PSD2: variants seen among roughly 807,000 people sequenced by gnomAD.
PSD2 encodes the protein PH and SEC7 domain-containing protein 2.
PSD2 carries 38 observed loss-of-function variants against 69.8 expected under a neutral mutation model. That is an observed-to-expected ratio of 0.54 (90% confidence interval 0.42 to 0.71). The LOEUF is 0.71. Ranked by LOEUF, PSD2 falls within the 30% of genes least tolerant of loss-of-function variation. The pLI, the probability that PSD2 is intolerant of heterozygous loss-of-function variation, is 0.00. For synonymous variants in PSD2, 412 were observed against 423.0 expected (o/e 0.97, Z 0.32); for missense variants, 943 against 1,014.5 (o/e 0.93, Z 0.96).
intron 7 of PSD2, among the ~76,000 whole-genome samples, chr5:139,828,050 A>AGGATGGG: frequency 6.6e-6 from 1 of 152,274 alleles, no homozygotes; most frequent in Admixed American, 6.5e-5. Flanking sequence ...AATGCTGGTG[A>AGGATGGG]TGATGGGTGA....
intron 1 of PSD2, among the ~76,000 whole-genome samples, chr5:139,808,740 G>C (rs1759872683): frequency 1.3e-5 from 2 of 152,218 alleles, no homozygotes; most frequent in Admixed American, 1.3e-4. Context: ...AGGCTCCCGG[G>C]TGGCACCGCC....
chr5:139,777,812 G>A, the PSD2 span, among the ~76,000 whole-genome samples: 1 of 152,146 alleles, frequency 6.6e-6, no homozygotes, highest in African/African-American at 2.4e-5. Context: ...GAGCTCAGGA[G>A]GTTGAGGCTA....
chr5:139,842,310 A>C lies in PSD2; in HGVS notation c.2152A>C (p.Lys718Gln), dbSNP rs780346882. The change falls in exon 15 of 15, where the codon AAA (lysine) becomes CAA (glutamine). Residue 718 changes from lysine to glutamine, a missense_variant. Transcript: ENST00000274710. ...GACCTATATCCACCTCCTGGCTATG[A>C]AAATCAAAGTGGGCTCAGATGATCT... is the stretch of plus-strand genomic sequence containing the variant. ...YETYIHLLAM[K>Q]IKVGSDDLER... is the part of the protein sequence containing the mutation. The C allele has an allele frequency of 1.1e-5, 17 of 1,614,084 alleles. No individual in the cohort carries two copies. The highest frequency in any genetic ancestry group is 1.4e-5 in the Non-Finnish European group (17 of 1,180,054).
At chr5:139,763,193 A>G in the PSD2 span, among the ~76,000 whole-genome samples, 10 of 152,118 alleles carry the variant, frequency 6.6e-5, no homozygotes, top group Non-Finnish European at 1.3e-4. Flanking sequence ...TATTCCCTCC[A>G]GATGTGTGAG....
chr5:139,796,461 C>T (rs1283199140), intron 1 of PSD2, among the ~76,000 whole-genome samples: 1 of 152,256 alleles, frequency 6.6e-6, no homozygotes, highest in Non-Finnish European at 1.5e-5. Context: ...ATTTCTGTTT[C>T]CAGTTTCCCA....
At chr5:139,760,883 C>T in the PSD2 span, among the ~76,000 whole-genome samples, 1 of 152,188 alleles carries the variant, frequency 6.6e-6, no homozygotes, top group Non-Finnish European at 1.5e-5. Flanking sequence ...ATAATGATAA[C>T]AACAATGAAT....
rs1295287907 is a variant in PSD2, at chr5:139,833,725, T to C, written c.1293T>C (p.Cys431=). ...AGAACATTGGCAAAAAGATGTCCTG[T>C]CAGCAATTCATTGCCAACTTGGACC... ...HGHNIGKKMS[C]QQFIANLDQL... is the part of the protein sequence containing the mutation. The change falls in exon 8 of 15, where the codon TGT becomes TGC. Residue 431 remains cysteine, a synonymous_variant. Transcript: ENST00000274710. 1.4e-5 allele frequency: 23 copies of C among 1,614,032 alleles called. No individual in the cohort carries two copies. The highest frequency in any genetic ancestry group is 1.9e-5 in the Non-Finnish European group (22 of 1,179,906).
the PSD2 span, among the ~76,000 whole-genome samples, chr5:139,755,004 A>G: frequency 2.6e-5 from 4 of 152,214 alleles, no homozygotes; most frequent in African/African-American, 9.6e-5. Context: ...AATCCACATG[A>G]TAATGGCAGC....
Position 139,839,936 on chromosome 5 carries a change from T to C in PSD2, c.1969-91T>C. 1 of 1,462,972 alleles carries C rather than the reference T, an allele frequency of 6.8e-7. No individual in the cohort carries two copies. Among genetic ancestry groups the C allele is most frequent in the Middle Eastern group, 1.8e-4 (1 of 5,432 alleles). 90.6% of individuals were successfully genotyped at this position (1,462,972 alleles called of 1,614,324 possible). A position where few individuals can be genotyped will look rare whatever the true frequency, so the allele number is the denominator to read the frequency against. On this transcript the variant is annotated intron_variant, in intron 13 of 14. Coordinates refer to ENST00000274710, the MANE Select transcript of PSD2 (RefSeq NM_032289.4). The surrounding 1 kb of genome is among the most constrained non-coding windows in gnomAD (Gnocchi z 5.1). Reference sequence around the variant, plus strand: ...GATGCTGGCTAGGCCTTCATTTCCCTTTGGTGGAGCAGCTCCTGGTAGAAC... The same window carrying C: ...GATGCTGGCTAGGCCTTCATTTCCCCTTGGTGGAGCAGCTCCTGGTAGAAC...
intron 2 of PSD2, among the ~76,000 whole-genome samples, chr5:139,810,400 C>G (rs2126935554): frequency 6.6e-6 from 1 of 152,248 alleles, no homozygotes; most frequent in East Asian, 1.9e-4. Context: ...AGAGAAATGT[C>G]TAGAAGGCAC....
At chr5:139,828,479 C>G (rs1760486544) in intron 7 of PSD2, among the ~76,000 whole-genome samples, 1 of 152,216 alleles carries the variant, frequency 6.6e-6, no homozygotes, top group African/African-American at 2.4e-5. Context: ...GGATGCTATC[C>G]TGAGGTCTGC....
chr5:139,767,876 G>A, the PSD2 span, among the ~76,000 whole-genome samples: 1 of 152,242 alleles, frequency 6.6e-6, no homozygotes, highest in Non-Finnish European at 1.5e-5. Context: ...TCTCAGTGAT[G>A]ACCAGCTCAC....
At chr5:139,827,079 C>T (rs567717714) in intron 7 of PSD2, among the ~76,000 whole-genome samples, 2 of 152,316 alleles carry the variant, frequency 1.3e-5, no homozygotes, top group East Asian at 1.9e-4. Context: ...CTAGGTTACC[C>T]GAATCAATCT....
At chr5:139,833,839 A>G (rs370153854) in intron 8 of PSD2, 48 bp downstream of exon 8, 2 of 1,387,860 alleles carry the variant, frequency 1.4e-6, no homozygotes, top group Non-Finnish European at 2.1e-6. Context: ...CCCTGAATGG[A>G]TAGAGAGGAG....
At chr5:139,829,878 A>T (rs1290310464) in intron 7 of PSD2, among the ~76,000 whole-genome samples, 1 of 152,072 alleles carries the variant, frequency 6.6e-6, no homozygotes, top group Admixed American at 6.6e-5. Flanking sequence ...TCATAGGATA[A>T]TTCTACATTT....
the PSD2 span, among the ~76,000 whole-genome samples, chr5:139,750,338 C>G: frequency 6.6e-6 from 1 of 151,624 alleles, no homozygotes; most frequent in African/African-American, 2.4e-5. Flanking sequence ...AACAAAAAAA[C>G]AAAACAAAAA....
In PSD2 at chr5:139,822,018, G is replaced by C; in HGVS notation, c.1210+13G>C. 1 of 1,541,562 alleles carries C rather than the reference G, an allele frequency of 6.5e-7. No homozygotes were observed. The highest frequency in any genetic ancestry group is 1.7e-5 in the Admixed American group (1 of 58,058). On this transcript the variant is annotated intron_variant, in intron 6 of 14. Coordinates refer to ENST00000274710, the MANE Select transcript of PSD2 (RefSeq NM_032289.4). ...AGCACTTCGGAAGGTATGGCCCCTT[G>C]CCCACTCTGCCTGACCCTCCCCACC...
At chr5:139,800,195 C>T (rs141432988) in intron 1 of PSD2, among the ~76,000 whole-genome samples, 75 of 152,336 alleles carry the variant, frequency 4.9e-4, no homozygotes, top group African/African-American at 1.8e-3. Context: ...TTTGCTTCTT[C>T]ACACTTTCTT....
At chr5:139,799,548 T>C (rs1476497629) in intron 1 of PSD2, among the ~76,000 whole-genome samples, 1 of 152,010 alleles carries the variant, frequency 6.6e-6, no homozygotes. Context: ...TCAAAACCAC[T>C]GAAGGGTTTT....
Sources: allele counts gnomAD v4.1 joint callset (sites outside exome capture counted in the v4.1 genomes callset), GRCh38; gene constraint gnomAD v4.1.1; non-coding constraint Gnocchi (gnomAD v3.1); transcripts MANE v1.5; gene names NCBI Gene and HGNC (gene_info 2026-07-23, HGNC 2026-07-21).